The following LMOD1 variants were observed in gnomAD, a reference collection of about 807,000 sequenced individuals.
LMOD1 encodes leiomodin-1.
A neutral mutation model predicts 36.5 loss-of-function variants in LMOD1; 8 were observed. That is an observed-to-expected ratio of 0.22 (90% confidence interval 0.13 to 0.40). LMOD1 has a LOEUF of 0.40. Ranked by LOEUF, LMOD1 falls within the 10% of genes least tolerant of loss-of-function variation. LMOD1 has a pLI of 1.00. For synonymous variants in LMOD1, 284 were observed against 288.7 expected, an observed-to-expected ratio of 0.98 and a Z score of 0.17; for missense variants, 630 against 751.1, an observed-to-expected ratio of 0.84 and a Z score of 1.88.
chr1:201,902,809 C>T (rs1367916614), intron 1 of LMOD1, among the ~76,000 whole-genome samples: 2 of 152,232 alleles, frequency 1.3e-5, no homozygotes, highest in East Asian at 1.9e-4. Flanking sequence ...TTTCTTCCTC[C>T]GTAAGGTTGC....
intron 1 of LMOD1, among the ~76,000 whole-genome samples, chr1:201,907,979 GC>G (rs1175085361): frequency 6.6e-6 from 1 of 152,238 alleles, no homozygotes; most frequent in African/African-American, 2.4e-5. Flanking sequence ...TTGAGGGCAT[GC>G]CCCCCACCAT....
intron 1 of LMOD1, among the ~76,000 whole-genome samples, chr1:201,901,626 GTGTGTA>G (rs796132417): frequency 0.54 from 29,233 of 53,974 alleles, 8,511 homozygotes; most frequent in Non-Finnish European, 0.62. Context: ...ATATATGTGT[GTGTGTA>G]TATATATATA....
chr1:201,914,853 C>T (rs1571580651), intron 1 of LMOD1, among the ~76,000 whole-genome samples: 1 of 151,986 alleles, frequency 6.6e-6, no homozygotes, highest in African/African-American at 2.4e-5. Flanking sequence ...TTCCCACCAC[C>T]CTTTAAACCT....
intron 1 of LMOD1, among the ~76,000 whole-genome samples, chr1:201,945,219 A>G (rs1031365577): frequency 2.0e-5 from 3 of 152,170 alleles, no homozygotes; most frequent in African/African-American, 7.2e-5. Flanking sequence ...GACAAAAAAA[A>G]AATTCCTCCA....
At chr1:201,927,952 T>C (rs139317926) in intron 1 of LMOD1, among the ~76,000 whole-genome samples, 2 of 152,228 alleles carry the variant, frequency 1.3e-5, no homozygotes, top group African/African-American at 2.4e-5. Flanking sequence ...TGGGGCCTAA[T>C]GGAAAGGGTT....
intron 1 of LMOD1, among the ~76,000 whole-genome samples, chr1:201,918,588 T>A (rs1243117952): frequency 1.3e-5 from 2 of 152,176 alleles, no homozygotes; most frequent in African/African-American, 4.8e-5. Context: ...CTCTCTTGGG[T>A]CTTGTTGCCT....
chr1:201,919,242 C>T (rs1681659710), intron 1 of LMOD1, among the ~76,000 whole-genome samples: 1 of 150,762 alleles, frequency 6.6e-6, no homozygotes, highest in African/African-American at 2.4e-5. Context: ...GGGTCAGAGC[C>T]TCAGTCCTTC....
chr1:201,915,242 T>C (rs977757879), intron 1 of LMOD1, among the ~76,000 whole-genome samples: 16 of 123,436 alleles, frequency 1.3e-4, no homozygotes, highest in Non-Finnish European at 2.8e-4. Context: ...ACCCTCTTCC[T>C]TGAGACATGT....
intron 1 of LMOD1, among the ~76,000 whole-genome samples, chr1:201,915,611 C>CCCGCTCTGCACT (rs1340306649): frequency 1.3e-5 from 2 of 152,244 alleles, no homozygotes; most frequent in Non-Finnish European, 2.9e-5. Flanking sequence ...CCCTCTGCAC[C>CCCGCTCTGCACT]CCGCTCTGCA....
chr1:201,903,712 C>A lies in LMOD1; in HGVS notation c.262-2961G>T, dbSNP rs1222127205. On this transcript the variant is annotated intron_variant, in intron 1 of 2. Transcript: ENST00000367288. ...AGCTTGGAGGTGAGAGCTGGAGGGA[C>A]CAGCCTCTCTAGGCCCATGGTCTAG... is the stretch of plus-strand genomic sequence containing the variant. Among the ~76,000 whole-genome samples the A allele has an allele frequency of 2.6e-5, 4 of 152,244 alleles. No homozygotes were observed. The East Asian group carries it at 7.7e-4, about 29-fold the overall frequency.
intron 1 of LMOD1, among the ~76,000 whole-genome samples, chr1:201,909,704 C>T (rs1571578092): frequency 6.6e-6 from 1 of 152,246 alleles, no homozygotes; most frequent in East Asian, 1.9e-4. Context: ...ATAACAGTAG[C>T]TAACCGTGGT....
At chr1:201,932,097 T>C (rs1481854030) in intron 1 of LMOD1, among the ~76,000 whole-genome samples, 2 of 152,140 alleles carry the variant, frequency 1.3e-5, no homozygotes, top group African/African-American at 2.4e-5. Flanking sequence ...AATGGTTACT[T>C]TCATTCAGGC....
chr1:201,914,918 G>A (rs1354597942), intron 1 of LMOD1, among the ~76,000 whole-genome samples: 1 of 151,978 alleles, frequency 6.6e-6, no homozygotes, highest in African/African-American at 2.4e-5. Context: ...CCTTCCAGCT[G>A]TAGCGCCAGC....
chr1:201,910,362 C>T (rs1177905275), intron 1 of LMOD1, among the ~76,000 whole-genome samples: 1 of 151,696 alleles, frequency 6.6e-6, no homozygotes, highest in Non-Finnish European at 1.5e-5. Context: ...CAGCCTCCGT[C>T]TCCCAGGCTC....
intron 1 of LMOD1, among the ~76,000 whole-genome samples, chr1:201,939,152 T>TA (rs1553299251): frequency 2.4e-4 from 36 of 149,456 alleles, no homozygotes; most frequent in Non-Finnish European, 3.4e-4. Flanking sequence ...TTTTTTTTTT[T>TA]AATTTCGTGA....
At chr1:201,931,356 G>A (rs778535891) in intron 1 of LMOD1, among the ~76,000 whole-genome samples, 1 of 152,094 alleles carries the variant, frequency 6.6e-6, no homozygotes, top group African/African-American at 2.4e-5. Flanking sequence ...CCAACATGGC[G>A]AAACCTCGTC....
Position 201,946,305 on chromosome 1 carries a change from A to G in LMOD1, c.36T>C (p.Ser12=). Residue 12 remains serine (S), a synonymous_variant, in exon 1 of 3, where the codon AGT becomes AGC. Coordinates refer to ENST00000367288, the MANE Select transcript of LMOD1 (RefSeq NM_012134.3). ...SRVAKYRRQV[S]EDPDIDSLLE... Reference sequence around the variant, plus strand: ...GCAGGCTGTCGATGTCGGGGTCTTCACTCACCTGCCGGCGATATTTGGCTA... The same window carrying G: ...GCAGGCTGTCGATGTCGGGGTCTTCGCTCACCTGCCGGCGATATTTGGCTA... 6.2e-7 allele frequency: 1 copy of G among 1,613,854 alleles called. No homozygotes were observed. Among genetic ancestry groups the G allele is most frequent in the African/African-American group, 1.3e-5 (1 of 74,988 alleles).
chr1:201,901,538 A>ATATATATATATATG, intron 1 of LMOD1, among the ~76,000 whole-genome samples: 1 of 53,592 alleles, frequency 1.9e-5, no homozygotes, highest in Non-Finnish European at 3.4e-5. Flanking sequence ...ATGTATATAT[A>ATATATATATATATG]TATATATATA....
chr1:201,913,760 G>C (rs1681553329), intron 1 of LMOD1, among the ~76,000 whole-genome samples: 1 of 152,204 alleles, frequency 6.6e-6, no homozygotes, highest in Non-Finnish European at 1.5e-5. Context: ...GCTGCTGCCT[G>C]TGAAATGGGG....
Sources: allele counts gnomAD v4.1 joint callset (sites outside exome capture counted in the v4.1 genomes callset), GRCh38; gene constraint gnomAD v4.1.1; transcripts MANE v1.5; gene names NCBI Gene and HGNC (gene_info 2026-07-23, HGNC 2026-07-21).